The following SGCZ variants were observed in gnomAD, a reference collection of about 807,000 sequenced individuals.
The protein encoded by SGCZ is zeta-sarcoglycan.
In SGCZ, 40 loss-of-function variants were observed where a neutral mutation model predicts 41.3. The observed-to-expected ratio is 0.97, with a 90% CI of 0.75 to 1.26. The LOEUF (loss-of-function observed/expected upper bound fraction) is 1.26. Among genes scored for constraint, SGCZ ranks in the 50% most tolerant of loss-of-function variants. SGCZ has a pLI of 0.00. For missense variants in SGCZ, 552 were observed against 369.8 expected, an observed-to-expected ratio of 1.49 and a Z score of -4.04; for synonymous variants, 206 against 137.5, an observed-to-expected ratio of 1.50 and a Z score of -3.49.
intron 2 of SGCZ, among the ~76,000 whole-genome samples, chr8:14,366,021 T>C (rs1179737981): frequency 2.0e-5 from 3 of 152,182 alleles, no homozygotes; most frequent in Non-Finnish European, 2.9e-5. Flanking sequence ...ATTTTTGAAA[T>C]TTGATAAACT....
intron 2 of SGCZ, among the ~76,000 whole-genome samples, chr8:14,492,682 A>G (rs75792315): frequency 0.01 from 1,548 of 152,206 alleles, 25 homozygotes; most frequent in African/African-American, 0.036. Flanking sequence ...CACTTTCACC[A>G]TCTTCTGTGC....
intron 1 of SGCZ, among the ~76,000 whole-genome samples, chr8:14,725,308 A>G (rs891529528): frequency 6.6e-6 from 1 of 152,184 alleles, no homozygotes; most frequent in Admixed American, 6.5e-5. Context: ...GAATGCAGCT[A>G]TCTCTTTGAT....
Position 14,891,305 on chromosome 8 carries a change from G to A in SGCZ, c.40-336379C>T, listed in dbSNP as rs1480732930. Among the ~76,000 whole-genome samples, 3 of 152,206 alleles carry A rather than the reference G, an allele frequency of 2.0e-5. No homozygotes were observed. The East Asian group carries it at 5.8e-4, about 29-fold the overall frequency. On this transcript the variant is annotated intron_variant, in intron 1 of 7. Coordinates refer to ENST00000382080, the MANE Select transcript of SGCZ (RefSeq NM_139167.4). ...TGAAGAAGATCCATGATTCATGAAA[G>A]GAGGTCAAAATAGAAACATTAACAG...
intron 1 of SGCZ, among the ~76,000 whole-genome samples, chr8:14,678,148 C>T (rs1808333982): frequency 6.6e-6 from 1 of 151,968 alleles, no homozygotes; most frequent in African/African-American, 2.4e-5. Flanking sequence ...GACGTAGATA[C>T]AACAACAAAG....
intron 1 of SGCZ, among the ~76,000 whole-genome samples, chr8:15,162,207 C>G (rs1179468496): frequency 6.6e-6 from 1 of 151,992 alleles, no homozygotes; most frequent in Admixed American, 6.5e-5. Context: ...AGAAAGTGGA[C>G]AAATAACTCA....
At chr8:14,701,181 C>T (rs1240132838) in intron 1 of SGCZ, among the ~76,000 whole-genome samples, 1 of 151,838 alleles carries the variant, frequency 6.6e-6, no homozygotes, top group Non-Finnish European at 1.5e-5. Flanking sequence ...GGAAATTAAA[C>T]ATTACAATAA....
intron 1 of SGCZ, among the ~76,000 whole-genome samples, chr8:14,732,016 C>G (rs901221422): frequency 1.3e-5 from 2 of 152,196 alleles, no homozygotes; most frequent in African/African-American, 4.8e-5. Context: ...TAAAAGGAAT[C>G]TCAATCCTAA....
At chr8:14,120,924 G>C (rs1205809927) in intron 5 of SGCZ, among the ~76,000 whole-genome samples, 1 of 152,054 alleles carries the variant, frequency 6.6e-6, no homozygotes, top group Non-Finnish European at 1.5e-5. Flanking sequence ...AACTGGACAA[G>C]CTGATTCTAA....
chr8:15,067,229 C>A (rs972003685), intron 1 of SGCZ, among the ~76,000 whole-genome samples: 1 of 152,136 alleles, frequency 6.6e-6, no homozygotes, highest in Non-Finnish European at 1.5e-5. Flanking sequence ...TGCCTACACA[C>A]TCCACCAACC....
chr8:14,735,494 GTC>G (rs1332042164), intron 1 of SGCZ, among the ~76,000 whole-genome samples: 1 of 152,128 alleles, frequency 6.6e-6, no homozygotes, highest in Non-Finnish European at 1.5e-5. Context: ...ACCCTTTGGA[GTC>G]TCAGACTTAC....
chr8:14,408,852 T>G lies in SGCZ; in HGVS notation c.235-84648A>C, dbSNP rs143264735. Among the ~76,000 whole-genome samples, 97 of 152,306 alleles carry G rather than the reference T, an allele frequency of 6.4e-4. 2 individuals are homozygous for G. The highest frequency in any genetic ancestry group is 2.1e-3 in the African/African-American group (87 of 41,578). On this transcript the variant is annotated intron_variant, in intron 2 of 7. Transcript: ENST00000382080. The stretch of plus-strand genomic sequence containing the variant: ...TTCAGGTTAAATGTTAGCTCATGAT[T>G]GAGACCTTCTCTGAATTTTACTTCA...
intron 1 of SGCZ, among the ~76,000 whole-genome samples, chr8:14,828,752 T>C (rs1008526000): frequency 2.0e-5 from 3 of 152,188 alleles, no homozygotes; most frequent in African/African-American, 7.2e-5. Context: ...ATCTGCTTAG[T>C]ATGAGAGTGT....
intron 1 of SGCZ, among the ~76,000 whole-genome samples, chr8:15,009,271 G>A (rs1482736648): frequency 6.6e-6 from 1 of 152,258 alleles, no homozygotes; most frequent in African/African-American, 2.4e-5. Context: ...GAGCTGAAGA[G>A]AGAAAGGTGG....
At chr8:14,921,994 A>C (rs994963799) in intron 1 of SGCZ, among the ~76,000 whole-genome samples, 1 of 152,174 alleles carries the variant, frequency 6.6e-6, no homozygotes, top group African/African-American at 2.4e-5. Flanking sequence ...GTTTAAGAAT[A>C]TTCAAATCAC....
Position 14,086,173 on chromosome 8 carries a change from G to C in SGCZ, c.*4270C>G, listed in dbSNP as rs990249395. ...TAGACCACAGCTATTTGAAGAATTA[G>C]GTGACAAGACCTCACTCATATAAAA... On this transcript the variant is annotated 3_prime_UTR_variant, in exon 8 of 8. Transcript: ENST00000382080. 6.6e-6 allele frequency among the ~76,000 whole-genome samples: 1 copy of C among 151,554 alleles called. No homozygotes were observed. The highest frequency in any genetic ancestry group is 2.4e-5 in the African/African-American group (1 of 41,342).
chr8:14,319,903 T>C (rs1801859653), intron 3 of SGCZ, among the ~76,000 whole-genome samples: 1 of 152,170 alleles, frequency 6.6e-6, no homozygotes, highest in East Asian at 1.9e-4. Context: ...TTATAATCTT[T>C]TATTCTTAAC....
chr8:14,655,897 C>T (rs1807550406), intron 1 of SGCZ, among the ~76,000 whole-genome samples: 1 of 152,030 alleles, frequency 6.6e-6, no homozygotes, highest in African/African-American at 2.4e-5. Flanking sequence ...TTTTACTCAG[C>T]ATAATTTTAT....
intron 1 of SGCZ, among the ~76,000 whole-genome samples, chr8:15,194,465 G>T (rs183517543): frequency 2.8e-4 from 43 of 152,220 alleles, no homozygotes; most frequent in Admixed American, 9.8e-4. Context: ...GAAAACGCAT[G>T]AATATGTCAC....
intron 4 of SGCZ, among the ~76,000 whole-genome samples, chr8:14,233,323 T>A (rs3903317): frequency 0.33 from 49,410 of 151,454 alleles, 8,358 homozygotes; most frequent in Non-Finnish European, 0.38. Context: ...GCTGGCTAAG[T>A]TTTTTAAAGG....
Sources: allele counts gnomAD v4.1 joint callset (sites outside exome capture counted in the v4.1 genomes callset), GRCh38; gene constraint gnomAD v4.1.1; transcripts MANE v1.5; gene names NCBI Gene and HGNC (gene_info 2026-07-23, HGNC 2026-07-21).